GAB2: variants seen among roughly 807,000 people sequenced by gnomAD.
GAB2 encodes the protein GRB2 associated binding protein 2, also known as GRB2-associated-binding protein 2.
Under a neutral mutation model 65.5 loss-of-function variants are expected in GAB2, and 26 were observed. That is an observed-to-expected ratio of 0.40 (90% confidence interval 0.29 to 0.55). The LOEUF (loss-of-function observed/expected upper bound fraction) is 0.55, where lower values mean the gene tolerates loss of function less well. GAB2 is among the 20% of genes least tolerant of loss of function. The pLI, the probability that GAB2 is intolerant of heterozygous loss-of-function variation, is 0.53. For missense variants in GAB2, 884 were observed against 875.8 expected (o/e 1.01, Z -0.12); for synonymous variants, 321 against 329.6 (o/e 0.97, Z 0.28).
intron 2 of GAB2, among the ~76,000 whole-genome samples, chr11:78,264,808 T>A (rs1479899666): frequency 2.6e-5 from 4 of 152,148 alleles, no homozygotes; most frequent in Non-Finnish European, 5.9e-5. Flanking sequence ...TAATCACACA[T>A]AGCAAAAAGG....
intron 1 of GAB2, among the ~76,000 whole-genome samples, chr11:78,328,499 T>C (rs1591042161): frequency 1.3e-5 from 2 of 152,202 alleles, no homozygotes; most frequent in Non-Finnish European, 2.9e-5. Flanking sequence ...TTACTCATAA[T>C]AGCCAAAAGC....
At chr11:78,287,683 CTG>C (rs1483026607) in intron 1 of GAB2, among the ~76,000 whole-genome samples, 2 of 146,632 alleles carry the variant, frequency 1.4e-5, no homozygotes, top group African/African-American at 5.1e-5. Context: ...GAGTCTTACT[CTG>C]TTGCTCAGGG....
At chr11:78,391,684 T>C (rs1261334448) in intron 1 of GAB2, among the ~76,000 whole-genome samples, 1 of 152,180 alleles carries the variant, frequency 6.6e-6, no homozygotes, top group African/African-American at 2.4e-5. Flanking sequence ...AGTGATGCTT[T>C]CGGAGGATTC....
intron 1 of GAB2, among the ~76,000 whole-genome samples, chr11:78,290,342 T>C (rs945206833): frequency 1.3e-5 from 2 of 152,176 alleles, no homozygotes; most frequent in Non-Finnish European, 1.5e-5. Context: ...TCTGATGAAA[T>C]AGAAGTGACT....
chr11:78,374,717 A>G (rs1388675862), intron 1 of GAB2, among the ~76,000 whole-genome samples: 1 of 152,230 alleles, frequency 6.6e-6, no homozygotes, highest in Non-Finnish European at 1.5e-5. Flanking sequence ...CAATTTAGTA[A>G]GTAATATAAT....
At chr11:78,300,669 GTGGTTTTTTTTTT>G (rs1160383692) in intron 1 of GAB2, among the ~76,000 whole-genome samples, 6 of 143,666 alleles carry the variant, frequency 4.2e-5, no homozygotes, top group South Asian at 2.2e-4. Context: ...ATCTCACTGT[GTGGTTTTTTTTTT>G]TGGTTTTTTT....
intron 1 of GAB2, among the ~76,000 whole-genome samples, chr11:78,333,135 C>A (rs1855943483): frequency 6.6e-6 from 1 of 152,130 alleles, no homozygotes; most frequent in African/African-American, 2.4e-5. Context: ...CAGTCTTCAC[C>A]CGGAAATACT....
chr11:78,292,671 G>A (rs778047909), intron 1 of GAB2, among the ~76,000 whole-genome samples: 1 of 152,232 alleles, frequency 6.6e-6, no homozygotes, highest in Non-Finnish European at 1.5e-5. Context: ...TGGGAGTCAT[G>A]TAACAGTTAC....
chr11:78,238,311 C>T (rs1018714561), intron 3 of GAB2, among the ~76,000 whole-genome samples: 1 of 150,592 alleles, frequency 6.6e-6, no homozygotes, highest in African/African-American at 2.4e-5. Context: ...GAGGATTGCT[C>T]GAGACAACAT....
At position 78,325,479 on chromosome 11, in the gene GAB2, G is replaced by A. The variant is rs114650129; in HGVS notation, c.76-44578C>T. On this transcript the variant is annotated intron_variant, in intron 1 of 9. Transcript: ENST00000361507. ...TCATTCCAGACAGCACAGAAACCAC[G>A]TTGCTGAGGCTCTATTAATAATATT... 9.2e-3 allele frequency among the ~76,000 whole-genome samples: 1,401 copies of A among 152,234 alleles called. 14 individuals carry two copies. The highest frequency in any genetic ancestry group is 0.029 in the African/African-American group (1,214 of 41,524).
chr11:78,308,364 C>T (rs1244403462), intron 1 of GAB2, among the ~76,000 whole-genome samples: 1 of 152,090 alleles, frequency 6.6e-6, no homozygotes, highest in Non-Finnish European at 1.5e-5. Context: ...AAGATCCCTA[C>T]TCAAAGAAAG....
At chr11:78,241,920 G>C (rs767964301) in intron 3 of GAB2, among the ~76,000 whole-genome samples, 7 of 152,138 alleles carry the variant, frequency 4.6e-5, no homozygotes, top group Non-Finnish European at 1.0e-4. Flanking sequence ...AATCAACAGG[G>C]AAACAATTAG....
At chr11:78,284,645 T>C (rs1866424968) in intron 1 of GAB2, among the ~76,000 whole-genome samples, 1 of 152,242 alleles carries the variant, frequency 6.6e-6, no homozygotes, top group African/African-American at 2.4e-5. Context: ...CTTATTCAAA[T>C]GTCACATTAC....
chr11:78,245,598 C>CT (rs1388465238), intron 3 of GAB2, among the ~76,000 whole-genome samples: 2 of 152,204 alleles, frequency 1.3e-5, no homozygotes, highest in Non-Finnish European at 2.9e-5. Flanking sequence ...GCTCTTCATA[C>CT]TAAAGAGTAA....
In GAB2 at chr11:78,385,754, T is replaced by C. The variant is rs148692939; in HGVS notation, c.75+31892A>G. Among the ~76,000 whole-genome samples the C allele has an allele frequency of 3.6e-3, 548 of 152,224 alleles. 5 individuals are homozygous for C. Among genetic ancestry groups the C allele is most frequent in the African/African-American group, 0.012 (494 of 41,518 alleles). On this transcript the variant is annotated intron_variant, in intron 1 of 9. Coordinates refer to ENST00000361507, the MANE Select transcript of GAB2 (RefSeq NM_080491.3). ...CTCCAAACTGAGGAAAGTTACCATG[T>C]AGAGATTGATTTTAGATGTGATGAA...
intron 3 of GAB2, among the ~76,000 whole-genome samples, chr11:78,230,608 G>A (rs574019194): frequency 9.2e-5 from 14 of 152,252 alleles, no homozygotes; most frequent in Non-Finnish European, 1.8e-4. Context: ...CTAGAAGGCA[G>A]AGGGCCATAT....
intron 1 of GAB2, among the ~76,000 whole-genome samples, chr11:78,325,126 G>C (rs184847194): frequency 1.4e-4 from 22 of 152,288 alleles, no homozygotes; most frequent in African/African-American, 5.3e-4. Flanking sequence ...ATGGAAGTAA[G>C]TAACTTTTAT....
At chr11:78,264,648 T>C (rs1359110509) in intron 2 of GAB2, among the ~76,000 whole-genome samples, 1 of 149,398 alleles carries the variant, frequency 6.7e-6, no homozygotes, top group Non-Finnish European at 1.5e-5. Context: ...CCTCAGGTGG[T>C]TTATCTCCCT....
intron 1 of GAB2, among the ~76,000 whole-genome samples, chr11:78,373,501 G>A (rs142987041): frequency 0.044 from 6,624 of 152,166 alleles, 161 homozygotes; most frequent in Middle Eastern, 0.065. Flanking sequence ...GCCTCCCAAA[G>A]TGCTGGGATT....
Sources: gnomAD v4.1 joint callset for allele counts (sites outside exome capture counted in the v4.1 genomes callset) on GRCh38, gnomAD v4.1.1 for gene constraint, MANE v1.5 for transcripts, NCBI Gene and HGNC (gene_info 2026-07-23, HGNC 2026-07-21) for gene names.